The following NBEA variants were observed in gnomAD, a reference collection of about 807,000 sequenced individuals.
NBEA encodes the protein lysosomal-trafficking regulator 2.
In NBEA, 44 loss-of-function variants were observed where a neutral mutation model predicts 343.4. The ratio of observed to expected loss-of-function variants is 0.13; its 90% CI spans 0.10 to 0.16. The LOEUF (loss-of-function observed/expected upper bound fraction) is 0.16. Ranked by LOEUF, NBEA falls within the 10% of genes least tolerant of loss-of-function variation. The probability of loss-of-function intolerance (pLI) is 1.00; values close to 1 mark genes in which losing one functional copy is unlikely to be tolerated. For missense variants in NBEA, 2,555 were observed against 3,631.3 expected, an observed-to-expected ratio of 0.70 and a Z score of 7.62; for synonymous variants, 1,175 against 1,238.7, an observed-to-expected ratio of 0.95 and a Z score of 1.08.
intron 36 of NBEA, among the ~76,000 whole-genome samples, chr13:35,319,037 C>G (rs1262985446): frequency 6.6e-6 from 1 of 152,018 alleles, no homozygotes; most frequent in Non-Finnish European, 1.5e-5. Context: ...TTTTGTTAAT[C>G]TTTTCAAAAA....
intron 41 of NBEA, among the ~76,000 whole-genome samples, chr13:35,497,693 T>C (rs930571111): frequency 1.3e-5 from 2 of 152,174 alleles, no homozygotes; most frequent in Middle Eastern, 3.4e-3. Flanking sequence ...GGAAGACATG[T>C]ATATTATCTC....
chr13:35,328,627 A>G (rs1335621656), intron 36 of NBEA, among the ~76,000 whole-genome samples: 2 of 151,900 alleles, frequency 1.3e-5, no homozygotes, highest in Admixed American at 6.6e-5. Flanking sequence ...TATATATACC[A>G]ACTATATACC....
chr13:35,173,597 A>T lies in NBEA; in HGVS notation c.4554+3A>T, dbSNP rs1385930248. 6.3e-7 allele frequency: 1 copy of T among 1,589,778 alleles called. No individual in the cohort carries two copies. The highest frequency in any genetic ancestry group is 1.4e-5 in the African/African-American group (1 of 73,636). On this transcript the variant is annotated splice_donor_region_variant and intron_variant, in intron 27 of 58. Coordinates refer to ENST00000379939, the MANE Select transcript of NBEA (RefSeq NM_001385012.1). Reference sequence around the variant, plus strand: ...TGACTGCTACAGCAGCTTCGAAGGTAAGTAAACTTTTTTTCTTGGCCAAAT... The same window carrying T: ...TGACTGCTACAGCAGCTTCGAAGGTTAGTAAACTTTTTTTCTTGGCCAAAT...
At chr13:35,477,800 T>G (rs1046683665) in intron 41 of NBEA, among the ~76,000 whole-genome samples, 2 of 151,992 alleles carry the variant, frequency 1.3e-5, no homozygotes, top group Admixed American at 6.6e-5. Context: ...ATCTGGGGGG[T>G]TTTTTGGATT....
chr13:35,602,791 T>C (rs1298823169), intron 47 of NBEA, among the ~76,000 whole-genome samples: 1 of 152,180 alleles, frequency 6.6e-6, no homozygotes, highest in Non-Finnish European at 1.5e-5. Context: ...AGTTAGGGCC[T>C]CCTTGAATGA....
intron 5 of NBEA, among the ~76,000 whole-genome samples, chr13:35,049,383 T>C (rs2062983783): frequency 6.6e-6 from 1 of 151,844 alleles, no homozygotes; most frequent in Admixed American, 6.6e-5. Context: ...CACCTACTAT[T>C]CACCTTGTAC....
intron 38 of NBEA, among the ~76,000 whole-genome samples, chr13:35,401,205 C>T (rs570207793): frequency 6.6e-5 from 10 of 151,908 alleles, no homozygotes; most frequent in Admixed American, 1.3e-4. Flanking sequence ...CAAAAACAGA[C>T]GCTGTAGCAA....
chr13:35,387,680 T>TCA (rs2042306867), intron 38 of NBEA, among the ~76,000 whole-genome samples: 1 of 152,180 alleles, frequency 6.6e-6, no homozygotes, highest in Non-Finnish European at 1.5e-5. Context: ...CGACTTTAAG[T>TCA]TAGCCTGAAA....
chr13:35,224,109 T>C (rs943676557), intron 33 of NBEA, among the ~76,000 whole-genome samples: 1 of 152,186 alleles, frequency 6.6e-6, no homozygotes, highest in African/African-American at 2.4e-5. Flanking sequence ...TGTTTTCCTC[T>C]TATACGTATC....
At chr13:35,277,622 CAAAAAAA>C (rs10603160) in intron 34 of NBEA, among the ~76,000 whole-genome samples, 4 of 49,910 alleles carry the variant, frequency 8.0e-5, no homozygotes, top group South Asian at 1.0e-3. Flanking sequence ...ACTCCGTCTC[CAAAAAAA>C]AAAAAAAAAA....
chr13:35,034,466 GTTTTC>G (rs1336686783), intron 1 of NBEA, among the ~76,000 whole-genome samples: 1 of 151,474 alleles, frequency 6.6e-6, no homozygotes, highest in African/African-American at 2.4e-5. Flanking sequence ...TTGGCCTGTA[GTTTTC>G]TTTATTTTAT....
chr13:35,485,262 T>C (rs2076267518), intron 41 of NBEA, among the ~76,000 whole-genome samples: 2 of 152,074 alleles, frequency 1.3e-5, no homozygotes, highest in South Asian at 4.1e-4. Flanking sequence ...TACAACCAAA[T>C]TTAAAATATA....
At chr13:34,998,929 T>A (rs899584382) in intron 1 of NBEA, among the ~76,000 whole-genome samples, 1 of 152,108 alleles carries the variant, frequency 6.6e-6, no homozygotes, top group African/African-American at 2.4e-5. Flanking sequence ...CTTCACAATT[T>A]ATGTTCAGAG....
intron 41 of NBEA, among the ~76,000 whole-genome samples, chr13:35,542,421 A>G (rs1481923219): frequency 1.3e-5 from 2 of 152,014 alleles, no homozygotes; most frequent in Admixed American, 6.6e-5. Context: ...TGTAAGTTTT[A>G]TGGAGTGACT....
chr13:35,319,346 C>A (rs189078229), intron 36 of NBEA, among the ~76,000 whole-genome samples: 1 of 152,136 alleles, frequency 6.6e-6, no homozygotes, highest in Non-Finnish European at 1.5e-5. Context: ...GCCTTCATTT[C>A]GTTATTTACC....
chr13:35,284,879 G>A (rs1371401079), intron 34 of NBEA, among the ~76,000 whole-genome samples: 1 of 152,080 alleles, frequency 6.6e-6, no homozygotes, highest in Non-Finnish European at 1.5e-5. Context: ...AATTACTGTT[G>A]TGCAGATAGA....
chr13:35,250,514 TTA>T (rs1469956493), intron 34 of NBEA, among the ~76,000 whole-genome samples: 1 of 152,168 alleles, frequency 6.6e-6, no homozygotes, highest in Non-Finnish European at 1.5e-5. Context: ...AGTATAAAAT[TTA>T]TACTTAAAAT....
At chr13:35,124,253 GTT>G (rs550215199) in intron 17 of NBEA, among the ~76,000 whole-genome samples, 8 of 112,950 alleles carry the variant, frequency 7.1e-5, no homozygotes, top group Admixed American at 8.6e-5. Flanking sequence ...TTTCGCCCTT[GTT>G]TTTTTTTTTT....
chr13:35,106,696 A>G (rs1009858124), intron 11 of NBEA, among the ~76,000 whole-genome samples: 8 of 151,932 alleles, frequency 5.3e-5, no homozygotes, highest in African/African-American at 1.9e-4. Flanking sequence ...ATATTTTCCA[A>G]AGAATAATTT....
Sources: allele counts gnomAD v4.1 joint callset (sites outside exome capture counted in the v4.1 genomes callset), GRCh38; gene constraint gnomAD v4.1.1; transcripts MANE v1.5; gene names NCBI Gene and HGNC (gene_info 2026-07-23, HGNC 2026-07-21).